Variants in RFC3 observed in about 807,000 individuals in gnomAD.
RFC3 encodes the protein A1 38 kDa subunit.
In RFC3, 41 loss-of-function variants were observed where a neutral mutation model predicts 45.1. The ratio of observed to expected loss-of-function variants is 0.91; its 90% CI spans 0.71 to 1.18. The LOEUF is 1.18. Among genes scored for constraint, RFC3 ranks in the 50% most tolerant of loss-of-function variants. The pLI, the probability that RFC3 is intolerant of heterozygous loss-of-function variation, is 0.00. For missense variants in RFC3, 423 were observed against 428.1 expected (o/e 0.99, Z 0.10); for synonymous variants, 149 against 144.0 (o/e 1.03, Z -0.25).
chr13:33,820,878 T>C (rs1005183704), intron 1 of RFC3, among the ~76,000 whole-genome samples: 3 of 149,518 alleles, frequency 2.0e-5, no homozygotes, highest in African/African-American at 7.3e-5. Context: ...AAAATTAGTG[T>C]CAGGCGAATA....
chr13:33,971,242 AT>A (rs1325728052), downstream of RFC3, among the ~76,000 whole-genome samples: 1 of 152,226 alleles, frequency 6.6e-6, no homozygotes, highest in Non-Finnish European at 1.5e-5. Flanking sequence ...AATTGGAACC[AT>A]TATCATGAAT....
At chr13:33,880,786 G>A (rs1301719351) in intron 8 of RFC3, among the ~76,000 whole-genome samples, 3 of 152,154 alleles carry the variant, frequency 2.0e-5, no homozygotes, top group African/African-American at 7.2e-5. Flanking sequence ...AGATGTTAGT[G>A]GCTGGGCACG....
intron 8 of RFC3, among the ~76,000 whole-genome samples, chr13:33,866,812 A>G (rs1001896664): frequency 6.5e-4 from 99 of 152,328 alleles, no homozygotes; most frequent in African/African-American, 2.3e-3. Context: ...AAATTCCACT[A>G]AGGCCTACCA....
intron 8 of RFC3, among the ~76,000 whole-genome samples, chr13:33,896,149 A>G (rs973566490): frequency 6.6e-6 from 1 of 151,766 alleles, no homozygotes; most frequent in African/African-American, 2.4e-5. Flanking sequence ...GTACCCCAAA[A>G]GCTATTGAAA....
At chr13:33,878,982 G>C (rs115029665) in intron 8 of RFC3, among the ~76,000 whole-genome samples, 95 of 152,244 alleles carry the variant, frequency 6.2e-4, no homozygotes, top group African/African-American at 2.1e-3. Flanking sequence ...AGGTTTAGAA[G>C]TGATTTCTTA....
chr13:33,852,200 G>T (rs2082280977), intron 8 of RFC3, among the ~76,000 whole-genome samples: 1 of 152,168 alleles, frequency 6.6e-6, no homozygotes, highest in African/African-American at 2.4e-5. Context: ...CTGGAAGTAA[G>T]CTTCAGTAGT....
intron 8 of RFC3, among the ~76,000 whole-genome samples, chr13:33,857,183 G>A (rs1354371453): frequency 6.6e-6 from 1 of 152,156 alleles, no homozygotes; most frequent in Non-Finnish European, 1.5e-5. Context: ...CAAATAAGAG[G>A]CATCTCTTTA....
chr13:33,919,731 T>C lies in RFC3; in HGVS notation c.880-46356T>C, dbSNP rs1019642460. ...GTAACTTTTCTGAAAAATGTCAAAA[T>C]TATATTGAAGAGTCATGTCTGCTTC... On this transcript the variant is annotated intron_variant, in intron 8 of 8. Coordinates refer to the RFC3 transcript ENST00000434425. Among the ~76,000 whole-genome samples the C allele has an allele frequency of 2.0e-5, 3 of 152,144 alleles. No homozygotes were observed. In the East Asian group the frequency reaches 5.8e-4, roughly 29 times the overall value.
At chr13:33,878,206 G>A (rs1418734067) in intron 8 of RFC3, among the ~76,000 whole-genome samples, 1 of 152,130 alleles carries the variant, frequency 6.6e-6, no homozygotes, top group African/African-American at 2.4e-5. Context: ...CAAGGGACGT[G>A]TCTTTGTACA....
chr13:33,867,531 TCTAA>T (rs1392531077), intron 8 of RFC3, among the ~76,000 whole-genome samples: 3 of 152,228 alleles, frequency 2.0e-5, no homozygotes, highest in Non-Finnish European at 4.4e-5. Flanking sequence ...GATGATTGAT[TCTAA>T]CTGTCAGGAG....
intron 8 of RFC3, among the ~76,000 whole-genome samples, chr13:33,925,620 A>G (rs535401548): frequency 1.5e-3 from 231 of 151,260 alleles, no homozygotes; most frequent in African/African-American, 5.3e-3. Context: ...AGTGTACTAT[A>G]TACATACATA....
intron 8 of RFC3, among the ~76,000 whole-genome samples, chr13:33,895,521 C>T (rs752492846): frequency 2.5e-4 from 38 of 152,102 alleles, no homozygotes; most frequent in Non-Finnish European, 4.4e-4. Context: ...AAAAAGGGAA[C>T]GCTTATACAC....
the RFC3 span, among the ~76,000 whole-genome samples, chr13:33,976,743 A>G: frequency 6.6e-6 from 1 of 152,188 alleles, no homozygotes; most frequent in African/African-American, 2.4e-5. Flanking sequence ...TGAGGAAATA[A>G]ATGCCCCGTG....
chr13:33,830,033 C>A lies in RFC3; in HGVS notation c.573+16C>A, dbSNP rs780221555. On this transcript the variant is annotated intron_variant, in intron 5 of 8. Coordinates refer to ENST00000380071, the MANE Select transcript of RFC3 (RefSeq NM_002915.4). ...CATTGAAGATGTAGGTCAAGTTACA[C>A]TTTTCTGAAAAATAAATCAGTTCAG... 1.9e-6 allele frequency: 3 copies of A among 1,606,866 alleles called. No homozygotes were observed. The highest frequency in any genetic ancestry group is 2.6e-6 in the Non-Finnish European group (3 of 1,174,994).
At chr13:33,961,354 G>C (rs557792924) in intron 8 of RFC3, among the ~76,000 whole-genome samples, 1 of 151,904 alleles carries the variant, frequency 6.6e-6, no homozygotes, top group Admixed American at 6.6e-5. Flanking sequence ...TGTTACCCTG[G>C]GCCTATGTCT....
chr13:33,830,005 C>T lies in RFC3; in HGVS notation c.561C>T (p.Pro187=). Residue 187 remains proline, a synonymous_variant, in exon 5 of 9, where the codon CCC becomes CCT. Transcript: ENST00000380071. ...SRCLAVRVPA[P]SIEDICHVLS... ...GCTTGGCGGTTCGTGTGCCTGCTCC[C>T]AGCATTGAAGATGTAGGTCAAGTTA... 1 of 1,613,754 alleles carries T rather than the reference C, an allele frequency of 6.2e-7. No individual in the cohort carries two copies. Among genetic ancestry groups the T allele is most frequent in the South Asian group, 1.1e-5 (1 of 91,042 alleles).
chr13:33,881,097 C>G (rs923517024), intron 8 of RFC3, among the ~76,000 whole-genome samples: 17 of 152,160 alleles, frequency 1.1e-4, no homozygotes, highest in African/African-American at 3.4e-4. Context: ...ATAATCAGAA[C>G]TCTATGGGTT....
rs181206987 is a variant in RFC3, at chr13:33,956,621, A to T, written c.880-9466A>T. On this transcript the variant is annotated intron_variant, in intron 8 of 8. Transcript: ENST00000434425. ...ATGTAGTTCAGGGATTTTGTTTCTT[A>T]GAACTTCTGTATCAAGAACACATAA... Among the ~76,000 whole-genome samples, 533 of 152,332 alleles carry T rather than the reference A, an allele frequency of 3.5e-3. 3 individuals are homozygous for T. Among genetic ancestry groups the T allele is most frequent in the African/African-American group, 0.012 (501 of 41,592 alleles).
rs570882726 is a variant in RFC3, at chr13:33,912,972, A to G, written c.880-53115A>G. On this transcript the variant is annotated intron_variant, in intron 8 of 8. Coordinates refer to the RFC3 transcript ENST00000434425. ...GCACTCACCAGATGCTACTGAATCT[A>G]TCTGTCTCTGCTAGTCCTGTTCACA... Among the ~76,000 whole-genome samples the G allele has an allele frequency of 3.9e-5, 6 of 152,206 alleles. No individual in the cohort carries two copies. In the South Asian group the frequency reaches 8.3e-4, roughly 21 times the overall value.
Sources: allele counts gnomAD v4.1 joint callset (sites outside exome capture counted in the v4.1 genomes callset), GRCh38; gene constraint gnomAD v4.1.1; transcripts MANE v1.5; gene names NCBI Gene and HGNC (gene_info 2026-07-23, HGNC 2026-07-21).